ITPR2: variants seen among roughly 807,000 people sequenced by gnomAD.
ITPR2 encodes the protein inositol 1,4,5-trisphosphate receptor type 2.
Under a neutral mutation model 317.1 loss-of-function variants are expected in ITPR2, and 207 were observed. The ratio of observed to expected loss-of-function variants is 0.65; its 90% CI spans 0.58 to 0.73. The LOEUF (loss-of-function observed/expected upper bound fraction) is 0.73, where lower values mean the gene tolerates loss of function less well. ITPR2 is among the 30% of genes least tolerant of loss of function. The probability of loss-of-function intolerance (pLI) is 0.00; values close to 1 mark genes in which losing one functional copy is unlikely to be tolerated. For missense variants in ITPR2, 2,613 were observed against 3,284.0 expected (o/e 0.80, Z 4.99); for synonymous variants, 1,156 against 1,149.1 (o/e 1.01, Z -0.12).
At chr12:26,816,551 C>T (rs12228214) in intron 1 of ITPR2, among the ~76,000 whole-genome samples, 4 of 152,166 alleles carry the variant, frequency 2.6e-5, no homozygotes, top group African/African-American at 9.7e-5. Context: ...TGACAGACAT[C>T]GTGAAAGACC....
intron 11 of ITPR2, among the ~76,000 whole-genome samples, chr12:26,686,195 TTTATA>T (rs1238385219): frequency 1.3e-5 from 2 of 151,966 alleles, no homozygotes; most frequent in African/African-American, 4.8e-5. Flanking sequence ...TAGAAATACT[TTTATA>T]TTATTTTTCA....
In ITPR2 at chr12:26,597,054, T is replaced by C; in HGVS notation, c.4083A>G (p.Ser1361=). The C allele has an allele frequency of 6.2e-7, 1 of 1,614,104 alleles. No individual in the cohort carries two copies. Among genetic ancestry groups the C allele is most frequent in the Non-Finnish European group, 8.5e-7 (1 of 1,180,004 alleles). The change falls in exon 31 of 57, where the codon TCA becomes TCG. Residue 1361 remains serine, a synonymous_variant. Transcript: ENST00000381340. ...CACTCTCATCCCCTCGGTCTCTCTC[T>C]GAACACATCATATGGAGAAGGATTG... The part of the protein sequence containing the change: ...SFPILLHMMC[S]ERDRGDESGP...
intron 42 of ITPR2, 75 bp from the exon 43 acceptor site, chr12:26,481,316 A>G: frequency 1.2e-6 from 1 of 819,736 alleles, no homozygotes; most frequent in Non-Finnish European, 2.0e-6. Flanking sequence ...GATATAAAAC[A>G]ACATAATCAC....
In ITPR2 at chr12:26,656,357, A is replaced by G. The variant is rs1055554078; in HGVS notation, c.2384T>C (p.Val795Ala). ...MHVDRDPQES[V>A]VPVRYARLWT... ...GAGCCTGGCATAGCGAACAGGCACC[A>G]CGGACTCCTGGGGATCCCGGTCAAC... Residue 795 changes from valine to alanine, a missense_variant, in exon 19 of 57, where the codon GTG becomes GCG. Val to Ala is a moderately conservative substitution (Grantham distance 64). Around this residue, in one of 9 missense-constraint regions of ITPR2, gnomAD observed 817 missense variants for 897.6 expected, o/e 0.91. Coordinates refer to ENST00000381340, the MANE Select transcript of ITPR2 (RefSeq NM_002223.4). 41 of 1,614,186 alleles carry G rather than the reference A, an allele frequency of 2.5e-5. No individual in the cohort carries two copies. The highest frequency in any genetic ancestry group is 3.5e-5 in the Non-Finnish European group (41 of 1,180,020).
At chr12:26,586,722 T>C (rs937793337) in intron 32 of ITPR2, among the ~76,000 whole-genome samples, 5 of 152,190 alleles carry the variant, frequency 3.3e-5, no homozygotes, top group Admixed American at 2.0e-4. Context: ...ATGCCAAGAA[T>C]ATTCTACATA....
chr12:26,506,170 A>C (rs925119966), intron 37 of ITPR2, among the ~76,000 whole-genome samples: 1 of 151,402 alleles, frequency 6.6e-6, no homozygotes, highest in Admixed American at 6.6e-5. Flanking sequence ...GGAGTTCAAG[A>C]CCAGCCTAGG....
In ITPR2 at chr12:26,339,428, G is replaced by T. The variant is rs1207066454; in HGVS notation, c.8075C>A (p.Pro2692His). The T allele has an allele frequency of 6.2e-7, 1 of 1,613,616 alleles. No homozygotes were observed. The highest frequency in any genetic ancestry group is 8.5e-7 in the Non-Finnish European group (1 of 1,179,840). ...TGGTGGCATGTGATGATTCACATGG[G>T]GTGTGTTTGATCCGAGGAAGCCCAG... Reference protein sequence around the residue: ...QRLGFLGSNTPHVNHHMPPH With the variant: ...QRLGFLGSNTHHVNHHMPPH Residue 2692 changes from proline (P) to histidine (H), a missense_variant, in exon 57 of 57, where the codon CCC (proline) becomes CAC (histidine). By Grantham distance (77) the Pro-to-His change is moderately conservative (BLOSUM62 -2). Around this residue, in one of 9 missense-constraint regions of ITPR2, gnomAD observed 119 missense variants for 144.3 expected, o/e 0.82. Transcript: ENST00000381340.
intron 46 of ITPR2, among the ~76,000 whole-genome samples, chr12:26,441,894 A>G (rs1171501822): frequency 1.3e-5 from 2 of 152,102 alleles, no homozygotes; most frequent in Non-Finnish European, 2.9e-5. Context: ...AAGCCCTGTC[A>G]GTATGTATAT....
chr12:26,789,133 C>T (rs993056892), intron 2 of ITPR2, among the ~76,000 whole-genome samples: 5 of 152,176 alleles, frequency 3.3e-5, no homozygotes, highest in African/African-American at 4.8e-5. Context: ...CCACATTCTG[C>T]GCAAATTTCT....
intron 46 of ITPR2, among the ~76,000 whole-genome samples, chr12:26,440,956 T>C (rs1941474944): frequency 6.6e-6 from 1 of 152,120 alleles, no homozygotes; most frequent in Non-Finnish European, 1.5e-5. Context: ...TTTCAATACG[T>C]TTATTCAACA....
chr12:26,804,024 A>C (rs1950601898), intron 1 of ITPR2, among the ~76,000 whole-genome samples: 1 of 152,148 alleles, frequency 6.6e-6, no homozygotes, highest in Non-Finnish European at 1.5e-5. Flanking sequence ...TATAAATAAA[A>C]AATAAAGAAA....
chr12:26,400,095 G>C (rs1729180172), intron 53 of ITPR2, 33 bp downstream of exon 53: 4 of 1,567,928 alleles, frequency 2.6e-6, no homozygotes, highest in African/African-American at 2.7e-5. Flanking sequence ...AAAAAGATGT[G>C]CTCCTTGAAA....
intron 22 of ITPR2, among the ~76,000 whole-genome samples, chr12:26,629,330 T>C (rs766182118): frequency 6.6e-5 from 10 of 152,162 alleles, no homozygotes; most frequent in Non-Finnish European, 1.2e-4. Flanking sequence ...CTCATGGCTG[T>C]AATCCCAGCA....
chr12:26,457,024 C>G (rs1941905548), intron 45 of ITPR2, among the ~76,000 whole-genome samples: 1 of 152,140 alleles, frequency 6.6e-6, no homozygotes, highest in Admixed American at 6.5e-5. Context: ...CCAAATAATG[C>G]TCTAGGCTTT....
chr12:26,489,618 G>C (rs866159802), intron 39 of ITPR2, among the ~76,000 whole-genome samples: 2 of 152,144 alleles, frequency 1.3e-5, no homozygotes, highest in African/African-American at 4.8e-5. Context: ...AAAGAACAGC[G>C]CCTTATATTT....
intron 37 of ITPR2, among the ~76,000 whole-genome samples, chr12:26,500,531 C>T (rs535172621): frequency 1.6e-4 from 24 of 152,308 alleles, no homozygotes; most frequent in Admixed American, 1.4e-3. Context: ...CAAGACACTA[C>T]TTTTAGCCAA....
intron 1 of ITPR2, among the ~76,000 whole-genome samples, chr12:26,812,064 G>T (rs1847106113): frequency 6.6e-6 from 1 of 150,858 alleles, no homozygotes; most frequent in Non-Finnish European, 1.5e-5. Flanking sequence ...TCGGGAGGCT[G>T]AGGCAGGAGA....
At chr12:26,744,722 A>T (rs1339661493) in intron 2 of ITPR2, among the ~76,000 whole-genome samples, 2 of 152,256 alleles carry the variant, frequency 1.3e-5, no homozygotes, top group African/African-American at 2.4e-5. Flanking sequence ...TTGGATCGCA[A>T]ACAGGAAGTA....
At chr12:26,606,398 C>T (rs1946129021) in intron 26 of ITPR2, among the ~76,000 whole-genome samples, 1 of 152,280 alleles carries the variant, frequency 6.6e-6, no homozygotes, top group Non-Finnish European at 1.5e-5. Context: ...TTAGCGGTAG[C>T]TGTATTTTTA....
Sources: allele counts gnomAD v4.1 joint callset (sites outside exome capture counted in the v4.1 genomes callset), GRCh38; gene constraint gnomAD v4.1.1; regional missense constraint gnomAD v4.1.1; transcripts MANE v1.5; gene names NCBI Gene and HGNC (gene_info 2026-07-23, HGNC 2026-07-21).